The following SORBS2 variants were observed in gnomAD, a reference collection of about 807,000 sequenced individuals.
The protein encoded by SORBS2 is sorbin and SH3 domain-containing protein 2.
SORBS2 carries 46 observed loss-of-function variants against 97.7 expected under a neutral mutation model. The observed-to-expected ratio is 0.47, with a 90% CI of 0.37 to 0.60. The LOEUF (loss-of-function observed/expected upper bound fraction) is 0.60, where lower values mean the gene tolerates loss of function less well. Among genes scored for constraint, SORBS2 ranks in the 20% least tolerant of loss-of-function variants. The pLI, the probability that SORBS2 is intolerant of heterozygous loss-of-function variation, is 0.00. For synonymous variants in SORBS2, 476 were observed against 473.4 expected, an observed-to-expected ratio of 1.01 and a Z score of -0.07; for missense variants, 1,316 against 1,282.3, an observed-to-expected ratio of 1.03 and a Z score of -0.40.
chr4:185,587,874 C>A, intron 14 of SORBS2, 186 bp from the exon 27 acceptor site: 1 of 531,902 alleles, frequency 1.9e-6, no homozygotes, highest in East Asian at 3.2e-5. Context: ...GGTTGCCTGA[C>A]GCTCTCACTG....
intron 2 of SORBS2, among the ~76,000 whole-genome samples, chr4:185,691,271 T>A (rs2098088327): frequency 2.0e-5 from 3 of 152,144 alleles, no homozygotes; most frequent in Admixed American, 2.0e-4. Flanking sequence ...GTGATTGTAG[T>A]TCACTGTGGC....
At chr4:185,847,785 G>A (rs1055806035) in intron 1 of SORBS2, among the ~76,000 whole-genome samples, 2 of 152,122 alleles carry the variant, frequency 1.3e-5, no homozygotes, top group Non-Finnish European at 2.9e-5. Context: ...AGAAGCACTG[G>A]GCTCACATCT....
intron 1 of SORBS2, among the ~76,000 whole-genome samples, chr4:185,923,029 T>G (rs780257555): frequency 2.6e-5 from 4 of 152,212 alleles, no homozygotes; most frequent in Non-Finnish European, 5.9e-5. Flanking sequence ...TCTCTGAGCT[T>G]CAGTTCTCTC....
chr4:185,749,271 T>C (rs1358298034), intron 2 of SORBS2, among the ~76,000 whole-genome samples: 1 of 152,156 alleles, frequency 6.6e-6, no homozygotes, highest in Non-Finnish European at 1.5e-5. Context: ...AGCCTGATGA[T>C]GGCCTGAGGT....
chr4:185,636,951 G>A (rs1378802025), intron 4 of SORBS2, among the ~76,000 whole-genome samples: 1 of 152,170 alleles, frequency 6.6e-6, no homozygotes, highest in Non-Finnish European at 1.5e-5. Flanking sequence ...TCGGCCTCAA[G>A]TTGACTCTTT....
At chr4:185,867,528 C>T (rs1204830371) in intron 1 of SORBS2, among the ~76,000 whole-genome samples, 2 of 152,128 alleles carry the variant, frequency 1.3e-5, no homozygotes, top group Admixed American at 1.3e-4. Flanking sequence ...ATCTATAATA[C>T]AGTAGGTGGA....
intron 1 of SORBS2, among the ~76,000 whole-genome samples, chr4:185,835,669 T>G (rs1298050455): frequency 6.6e-6 from 1 of 151,674 alleles, no homozygotes; most frequent in African/African-American, 2.4e-5. Flanking sequence ...TTTTTTTTTT[T>G]TTTTGCACCA....
intron 4 of SORBS2, among the ~76,000 whole-genome samples, chr4:185,670,061 A>T (rs1346512227): frequency 6.6e-6 from 1 of 152,110 alleles, no homozygotes; most frequent in Non-Finnish European, 1.5e-5. Context: ...TCTACTAAAA[A>T]TACAAAAATT....
chr4:185,736,126 C>T (rs907860408), intron 2 of SORBS2, among the ~76,000 whole-genome samples: 5 of 152,316 alleles, frequency 3.3e-5, no homozygotes, highest in East Asian at 3.9e-4. Flanking sequence ...TGCCGCAGCG[C>T]GAGGGACCCT....
At chr4:185,698,238 G>A (rs1268808266) in intron 2 of SORBS2, among the ~76,000 whole-genome samples, 1 of 152,214 alleles carries the variant, frequency 6.6e-6, no homozygotes, top group Non-Finnish European at 1.5e-5. Context: ...CACTTTGGGA[G>A]GCCGAGGCAG....
chr4:185,660,698 A>C (rs1413795280), upstream of SORBS2, among the ~76,000 whole-genome samples: 1 of 152,132 alleles, frequency 6.6e-6, no homozygotes, highest in Non-Finnish European at 1.5e-5. Context: ...CTGGGGAAGG[A>C]GGTGCACTGT....
At position 185,678,829 on chromosome 4, in the gene SORBS2, GAA is replaced by G; in HGVS notation, c.-197-9_-197-8del. On this transcript the variant is annotated splice_polypyrimidine_tract_variant and splice_region_variant and intron_variant, in intron 2 of 20. Coordinates refer to the SORBS2 transcript ENST00000284776. ...GGTGACTGAGAATCACGCCCTGAAA[GAA>G]AAAAAAATGTTGAAATTAAGACTAA... 3.5e-6 allele frequency: 5 copies of G among 1,410,464 alleles called. No individual in the cohort carries two copies. The highest frequency in any genetic ancestry group is 3.0e-5 in the Admixed American group (1 of 33,522). 87.4% of individuals were successfully genotyped at this position (1,410,464 alleles called of 1,614,324 possible). A position where few individuals can be genotyped will look rare whatever the true frequency, so the allele number is the denominator to read the frequency against.
At chr4:185,816,598 C>T (rs529639155) in intron 1 of SORBS2, among the ~76,000 whole-genome samples, 5 of 152,214 alleles carry the variant, frequency 3.3e-5, no homozygotes, top group Non-Finnish European at 7.3e-5. Flanking sequence ...TGATTCCAAC[C>T]CCAAGAAATA....
chr4:185,943,243 A>T (rs974417388), intron 1 of SORBS2, among the ~76,000 whole-genome samples: 1 of 152,230 alleles, frequency 6.6e-6, no homozygotes, highest in Non-Finnish European at 1.5e-5. Flanking sequence ...GTTATGGACA[A>T]ATAGGATATT....
At chr4:185,837,362 A>G (rs1461966087) in intron 1 of SORBS2, among the ~76,000 whole-genome samples, 1 of 152,170 alleles carries the variant, frequency 6.6e-6, no homozygotes. Flanking sequence ...TGTTTTTGAA[A>G]CTGCTGAATT....
chr4:185,870,776 GC>G (rs1437096725), intron 1 of SORBS2, among the ~76,000 whole-genome samples: 1 of 152,190 alleles, frequency 6.6e-6, no homozygotes, highest in East Asian at 1.9e-4. Context: ...CCACTGCTGT[GC>G]TTTTACAGAC....
rs748666476 is a variant in SORBS2 at position 185,623,766 on chromosome 4, T to C, written c.1363A>G (p.Ile455Val). The C allele has an allele frequency of 1.2e-6, 2 of 1,613,692 alleles. No homozygotes were observed. Among genetic ancestry groups the C allele is most frequent in the Non-Finnish European group, 8.5e-7 (1 of 1,179,910 alleles). ...TTTTCTTCCTCCAGCAAATACTCAA[T>C]GGAAAACCGCCTCTTGGGACATAGG... Residue 455 changes from isoleucine (I) to valine (V), a missense_variant, in exon 7 of 15, where the codon ATT becomes GTT. Transcript: ENST00000418609. This position sits in a 1 kb window ranked among gnomAD's most constrained non-coding sequence, Gnocchi z 6.4.
chr4:185,945,175 A>G (rs1353043139), intron 1 of SORBS2, among the ~76,000 whole-genome samples: 3 of 152,358 alleles, frequency 2.0e-5, no homozygotes, highest in Non-Finnish European at 4.4e-5. Context: ...ATGCATTGTG[A>G]TAGCTTGGAA....
chr4:185,861,119 A>G (rs2099223466), intron 1 of SORBS2, among the ~76,000 whole-genome samples: 1 of 152,146 alleles, frequency 6.6e-6, no homozygotes, highest in African/African-American at 2.4e-5. Flanking sequence ...CATCATTGCT[A>G]TAAACAGTCT....
Sources: gnomAD v4.1 joint callset for allele counts (sites outside exome capture counted in the v4.1 genomes callset) on GRCh38, gnomAD v4.1.1 for gene constraint, Gnocchi (gnomAD v3.1) non-coding constraint, MANE v1.5 for transcripts, NCBI Gene and HGNC (gene_info 2026-07-23, HGNC 2026-07-21) for gene names.